Variants in POT1 observed in about 807,000 individuals in gnomAD.
POT1 encodes protection of telomeres protein 1.
In POT1, 47 loss-of-function variants were observed where a neutral mutation model predicts 78.5. The observed-to-expected ratio is 0.60, with a 90% CI of 0.47 to 0.76. The LOEUF (loss-of-function observed/expected upper bound fraction) is 0.76. Among genes scored for constraint, POT1 ranks in the 30% least tolerant of loss-of-function variants. POT1 has a pLI of 0.00. For missense variants in POT1, 646 were observed against 749.9 expected, an observed-to-expected ratio of 0.86 and a Z score of 1.62; for synonymous variants, 259 against 260.7, an observed-to-expected ratio of 0.99 and a Z score of 0.06.
chr7:124,896,319 G>C lies in POT1; in HGVS notation c.9+846C>G, dbSNP rs145575112. 4.8e-3 allele frequency among the ~76,000 whole-genome samples: 721 copies of C among 151,742 alleles called. 1 individual carries two copies. Among genetic ancestry groups the C allele is most frequent in the Admixed American group, 8.3e-3 (126 of 15,202 alleles). On this transcript the variant is annotated intron_variant, in intron 5 of 18. Coordinates refer to ENST00000357628, the MANE Select transcript of POT1 (RefSeq NM_015450.3). ...TCATTTATTCCCGCCTTATTTACAGGTTCGCAGATATATCAAATATTTTAA... is the reference window on the plus strand; with the variant it reads ...TCATTTATTCCCGCCTTATTTACAGCTTCGCAGATATATCAAATATTTTAA...
rs1024006118 is a variant in POT1 at position 124,823,862 on chromosome 7, C to T, written c.*100G>A. 9 of 754,290 alleles carry T rather than the reference C, an allele frequency of 1.2e-5. No individual in the cohort carries two copies. The highest frequency in any genetic ancestry group is 6.8e-5 in the Admixed American group (3 of 44,168). 46.7% of individuals were successfully genotyped at this position (754,290 alleles called of 1,614,324 possible). On this transcript the variant is annotated 3_prime_UTR_variant, in exon 19 of 19. Transcript: ENST00000357628. ...TTTTCTAATCCCATACCCATGCTAA[C>T]ATCATCAACATTGCTGATACAAAAC...
chr7:124,897,138 T>C (rs764072171), intron 5 of POT1, 27 bp downstream of exon 5: 2 of 1,410,352 alleles, frequency 1.4e-6, no homozygotes, highest in Non-Finnish European at 2.0e-6. Context: ...GGTGTAATAC[T>C]CTAAATTAAA....
intron 9 of POT1, among the ~76,000 whole-genome samples, chr7:124,857,219 C>T (rs977159921): frequency 3.3e-5 from 5 of 152,108 alleles, no homozygotes; most frequent in Non-Finnish European, 7.4e-5. Flanking sequence ...TTTTAATTTC[C>T]TATAAGTAGG....
At chr7:124,871,503 AAT>A (rs1159182456) in intron 6 of POT1, among the ~76,000 whole-genome samples, 1 of 152,094 alleles carries the variant, frequency 6.6e-6, no homozygotes, top group African/African-American at 2.4e-5. Flanking sequence ...TGATACAGTA[AAT>A]ATGTCGTACA....
At chr7:124,897,106 G>A in intron 5 of POT1, 59 bp downstream of exon 5, 2 of 1,065,866 alleles carry the variant, frequency 1.9e-6, no homozygotes, top group Non-Finnish European at 1.3e-6. Context: ...ATGTATCTAT[G>A]TGTGTGGCAT....
rs377092003 is a variant in POT1, at chr7:124,887,581, T to C, written c.124+4685A>G. Among the ~76,000 whole-genome samples the C allele has an allele frequency of 2.8e-4, 43 of 152,220 alleles. 1 individual carries two copies. The highest frequency in any genetic ancestry group is 9.6e-4 in the African/African-American group (40 of 41,566). ...TAATATGAAGTCAATGAGAACATCT[T>C]TGTGTTTGCAACATGATCACAACTC... On this transcript the variant is annotated intron_variant, in intron 6 of 18. Transcript: ENST00000357628.
chr7:124,854,618 C>G (rs902988766), intron 9 of POT1, among the ~76,000 whole-genome samples: 2 of 151,790 alleles, frequency 1.3e-5, no homozygotes, highest in Non-Finnish European at 2.9e-5. Context: ...TTTTCCCAAC[C>G]AATCAAGGGT....
chr7:124,855,417 C>T (rs1795424276), intron 9 of POT1, among the ~76,000 whole-genome samples: 1 of 151,242 alleles, frequency 6.6e-6, no homozygotes, highest in Non-Finnish European at 1.5e-5. Flanking sequence ...ATTTCGAGGC[C>T]AAGATATAAG....
At chr7:124,896,355 T>G (rs1255182113) in intron 5 of POT1, among the ~76,000 whole-genome samples, 2 of 151,742 alleles carry the variant, frequency 1.3e-5, no homozygotes, top group African/African-American at 4.8e-5. Context: ...ATTAAACAAT[T>G]TATAACAATT....
intron 3 of POT1, among the ~76,000 whole-genome samples, chr7:124,914,247 A>T (rs1277439295): frequency 6.6e-6 from 1 of 151,934 alleles, no homozygotes; most frequent in Non-Finnish European, 1.5e-5. Flanking sequence ...TAGCTCTGTG[A>T]TAAGTTTTGA....
chr7:124,864,081 C>T (rs1192220702), intron 7 of POT1, among the ~76,000 whole-genome samples: 1 of 152,082 alleles, frequency 6.6e-6, no homozygotes, highest in African/African-American at 2.4e-5. Flanking sequence ...AGAGTTTAAT[C>T]AGAGTGACTG....
At chr7:124,907,472 C>T (rs1796792924) in intron 3 of POT1, among the ~76,000 whole-genome samples, 1 of 148,166 alleles carries the variant, frequency 6.7e-6, no homozygotes, top group Non-Finnish European at 1.5e-5. Flanking sequence ...CTGTATGATT[C>T]TACCTAAAAG....
intron 10 of POT1, among the ~76,000 whole-genome samples, chr7:124,852,450 A>T (rs1341928160): frequency 1.3e-5 from 2 of 152,164 alleles, no homozygotes; most frequent in Non-Finnish European, 2.9e-5. Flanking sequence ...CACAATACTC[A>T]CTAGGAATAC....
intron 3 of POT1, among the ~76,000 whole-genome samples, chr7:124,906,729 CA>C: frequency 6.6e-6 from 1 of 152,084 alleles, no homozygotes; most frequent in Middle Eastern, 3.4e-3. Flanking sequence ...TAGTGTTCAA[CA>C]AATATCTGGT....
intron 2 of POT1, among the ~76,000 whole-genome samples, chr7:124,918,708 A>C (rs866298331): frequency 5.9e-5 from 9 of 152,124 alleles, no homozygotes; most frequent in Admixed American, 6.5e-5. Flanking sequence ...CCAGAATTAC[A>C]TGTTTACAAT....
intron 14 of POT1, among the ~76,000 whole-genome samples, chr7:124,836,611 G>A (rs1794905742): frequency 6.6e-6 from 1 of 152,086 alleles, no homozygotes. Context: ...AAAGAATCTG[G>A]TGAGAGCTCA....
intron 3 of POT1, among the ~76,000 whole-genome samples, chr7:124,906,897 ATAG>A (rs771358107): frequency 6.6e-6 from 1 of 152,094 alleles, no homozygotes; most frequent in Non-Finnish European, 1.5e-5. Context: ...ATAACAGATA[ATAG>A]TAGTTTGTAT....
chr7:124,839,642 CT>C (rs1034718912), intron 14 of POT1, among the ~76,000 whole-genome samples: 47 of 152,246 alleles, frequency 3.1e-4, no homozygotes, highest in African/African-American at 1.1e-3. Flanking sequence ...TCTTATATTC[CT>C]TTTACATTTC....
chr7:124,838,856 C>T (rs771209517), intron 14 of POT1, among the ~76,000 whole-genome samples: 11 of 152,184 alleles, frequency 7.2e-5, no homozygotes, highest in Non-Finnish European at 1.3e-4. Flanking sequence ...CTGCCTGCCT[C>T]GGCCTCCCAA....
Sources: gnomAD v4.1 joint callset for allele counts (sites outside exome capture counted in the v4.1 genomes callset) on GRCh38, gnomAD v4.1.1 for gene constraint, MANE v1.5 for transcripts, NCBI Gene and HGNC (gene_info 2026-07-23, HGNC 2026-07-21) for gene names.